Variants in MAP4K3 observed in about 807,000 individuals in gnomAD.
MAP4K3 encodes the protein mitogen-activated protein kinase kinase kinase kinase 3.
Under a neutral mutation model 143.5 loss-of-function variants are expected in MAP4K3, and 94 were observed. That is an observed-to-expected ratio of 0.65 (90% CI 0.55 to 0.78). The LOEUF (loss-of-function observed/expected upper bound fraction) is 0.78. Ranked by LOEUF, MAP4K3 falls within the 30% of genes least tolerant of loss-of-function variation. MAP4K3 has a pLI of 0.00. For missense variants in MAP4K3, 1,077 were observed against 1,068.1 expected (o/e 1.01, Z -0.12); for synonymous variants, 416 against 347.2 (o/e 1.20, Z -2.20).
At chr2:39,345,397 A>C (rs1192798021) in intron 3 of MAP4K3, among the ~76,000 whole-genome samples, 2 of 152,094 alleles carry the variant, frequency 1.3e-5, no homozygotes, top group Non-Finnish European at 2.9e-5. Context: ...GGCCTGGGTG[A>C]CAGACCGAGA....
chr2:39,336,469 C>T (rs747419658), intron 6 of MAP4K3, among the ~76,000 whole-genome samples: 1 of 49,560 alleles, frequency 2.0e-5, no homozygotes. Context: ...GAGACTCCAT[C>T]TCAAAAAAAA....
intron 1 of MAP4K3, among the ~76,000 whole-genome samples, chr2:39,429,915 T>C (rs182842888): frequency 2.1e-4 from 32 of 152,306 alleles, no homozygotes; most frequent in Admixed American, 5.9e-4. Flanking sequence ...ATGTGTACTG[T>C]CAACTGATTT....
chr2:39,387,191 T>G (rs1666528107), intron 1 of MAP4K3, among the ~76,000 whole-genome samples: 1 of 152,218 alleles, frequency 6.6e-6, no homozygotes, highest in South Asian at 2.1e-4. Context: ...TTTTACTTTT[T>G]CAAAGTTGCT....
chr2:39,322,592 A>AGG, intron 12 of MAP4K3, among the ~76,000 whole-genome samples: 1 of 144,776 alleles, frequency 6.9e-6, no homozygotes, highest in African/African-American at 2.5e-5. Flanking sequence ...GATGTGGTAT[A>AGG]TGTGTGTGTG....
chr2:39,310,402 T>C (rs372391319), intron 13 of MAP4K3, among the ~76,000 whole-genome samples: 83 of 152,286 alleles, frequency 5.5e-4, no homozygotes, highest in African/African-American at 1.8e-3. Flanking sequence ...GTTCCATCCA[T>C]GTTGTTGCAA....
chr2:39,332,062 CTTTTAAAAGTTATT>C (rs1437634641), intron 7 of MAP4K3, 73 bp from the exon 8 acceptor site: 5 of 766,712 alleles, frequency 6.5e-6, no homozygotes, highest in African/African-American at 1.7e-5. Flanking sequence ...TAAAAAGAAA[CTTTTAAAAGTTATT>C]TTTATTAAGT....
At chr2:39,382,500 T>C (rs1213568754) in intron 1 of MAP4K3, among the ~76,000 whole-genome samples, 1 of 152,240 alleles carries the variant, frequency 6.6e-6, no homozygotes, top group Non-Finnish European at 1.5e-5. Flanking sequence ...CTGACCCCTC[T>C]GCCCACAATT....
At chr2:39,323,225 G>C (rs1251727735) in intron 12 of MAP4K3, 1 of 152,084 alleles carries the variant, frequency 6.6e-6, no homozygotes, top group African/African-American at 2.4e-5. Context: ...ATAGAGATTT[G>C]TAACAATTTA....
At chr2:39,427,192 C>A (rs569030614) in intron 1 of MAP4K3, among the ~76,000 whole-genome samples, 26 of 151,962 alleles carry the variant, frequency 1.7e-4, no homozygotes, top group African/African-American at 6.0e-4. Context: ...GAGAAAAAAA[C>A]AACCGTTAAT....
intron 1 of MAP4K3, among the ~76,000 whole-genome samples, chr2:39,414,557 C>T (rs1230309591): frequency 6.6e-6 from 1 of 152,162 alleles, no homozygotes; most frequent in Non-Finnish European, 1.5e-5. Context: ...TGTCTGCCTA[C>T]TATGCCTCAA....
intron 1 of MAP4K3, among the ~76,000 whole-genome samples, chr2:39,386,752 C>T (rs1666515578): frequency 6.6e-6 from 1 of 151,230 alleles, no homozygotes; most frequent in South Asian, 2.1e-4. Context: ...CTATATTGAT[C>T]TAGTGATTGT....
At chr2:39,396,510 C>T (rs1666809910) in intron 1 of MAP4K3, among the ~76,000 whole-genome samples, 1 of 147,138 alleles carries the variant, frequency 6.8e-6, no homozygotes, top group Admixed American at 6.8e-5. Context: ...AGCAGAGTCT[C>T]ACTTTGTCGC....
Position 39,437,140 on chromosome 2 carries a change from CTCCCCTCA to C in MAP4K3, c.-161_-154del. The stretch of plus-strand genomic sequence containing the variant: ...GCTGCGGCCGCCGCCGCCGCCGCCG[CTCCCCTCA>C]CGCCGCTGCGGACGACGACAAGCGG... On this transcript the variant is annotated 5_prime_UTR_variant, in exon 1 of 34. Coordinates refer to ENST00000263881, the MANE Select transcript of MAP4K3 (RefSeq NM_003618.4). 3 of 471,166 alleles carry C rather than the reference CTCCCCTCA, an allele frequency of 6.4e-6. No homozygotes were observed. The highest frequency in any genetic ancestry group is 1.1e-5 in the Non-Finnish European group (3 of 278,114). 29.2% of individuals were successfully genotyped at this position (471,166 alleles called of 1,614,324 possible).
At chr2:39,313,354 G>A (rs1683004227) in intron 13 of MAP4K3, among the ~76,000 whole-genome samples, 1 of 151,978 alleles carries the variant, frequency 6.6e-6, no homozygotes, top group African/African-American at 2.4e-5. Context: ...TACTTTTTCT[G>A]ATCTTCTCCC....
intron 15 of MAP4K3, among the ~76,000 whole-genome samples, chr2:39,303,446 T>C (rs898025489): frequency 6.6e-5 from 10 of 152,148 alleles, no homozygotes; most frequent in African/African-American, 2.2e-4. Flanking sequence ...GAAATGAATA[T>C]TGGCAGGTGA....
At chr2:39,420,262 T>C (rs148425253) in intron 1 of MAP4K3, among the ~76,000 whole-genome samples, 1 of 152,358 alleles carries the variant, frequency 6.6e-6, no homozygotes, top group African/African-American at 2.4e-5. Flanking sequence ...CTGGGAAATA[T>C]TTAGTAACTT....
At chr2:39,320,667 G>A (rs1390886751) in intron 12 of MAP4K3, among the ~76,000 whole-genome samples, 1 of 152,050 alleles carries the variant, frequency 6.6e-6, no homozygotes, top group African/African-American at 2.4e-5. Context: ...GTTAATTCAT[G>A]AACATTACTA....
In MAP4K3 at chr2:39,253,244, G is replaced by A. The variant is rs182437015; in HGVS notation, c.2541+1206C>T. 1.5e-3 allele frequency among the ~76,000 whole-genome samples: 233 copies of A among 152,232 alleles called. 2 individuals carry two copies. Among genetic ancestry groups the A allele is most frequent in the African/African-American group, 5.0e-3 (206 of 41,532 alleles). On this transcript the variant is annotated intron_variant, in intron 32 of 33. Transcript: ENST00000263881. ...CCTCCTGGGTTCAAGCGATTCTCCT[G>A]CCTCAGCCTCTCCCGAGTAGCTGGG... is the stretch of plus-strand genomic sequence containing the variant.
chr2:39,292,763 C>T lies in MAP4K3; in HGVS notation c.1271+10G>A. 3 of 1,610,642 alleles carry T rather than the reference C, an allele frequency of 1.9e-6. No individual in the cohort carries two copies. Among genetic ancestry groups the T allele is most frequent in the Non-Finnish European group, 2.5e-6 (3 of 1,177,180 alleles). The stretch of plus-strand genomic sequence containing the variant: ...CTTTTCTTTTTACCAAAAACAGAGA[C>T]AGAACTTACTGTTTAGATTCATCAT... On this transcript the variant is annotated intron_variant, in intron 18 of 33. Transcript: ENST00000263881.
Sources: allele counts gnomAD v4.1 joint callset (sites outside exome capture counted in the v4.1 genomes callset), GRCh38; gene constraint gnomAD v4.1.1; transcripts MANE v1.5; gene names NCBI Gene and HGNC (gene_info 2026-07-23, HGNC 2026-07-21).